LDB3: variants seen among roughly 807,000 people sequenced by gnomAD.
LDB3 encodes LIM domain-binding protein 3.
In LDB3, 49 loss-of-function variants were observed where a neutral mutation model predicts 69.0. The observed-to-expected ratio is 0.71, with a 90% confidence interval of 0.56 to 0.90. The LOEUF (loss-of-function observed/expected upper bound fraction) is 0.90. LDB3 is among the 40% of genes least tolerant of loss of function. The pLI is 0.00. For missense variants in LDB3, 928 were observed against 974.1 expected (o/e 0.95, Z 0.63); for synonymous variants, 387 against 396.2 (o/e 0.98, Z 0.28).
rs45516997 is a variant in LDB3, at chr10:86,681,579, C to A, written c.465C>A (p.Leu155=). The change falls in exon 5 of 14, where the codon CTC becomes CTA. Residue 155 remains leucine (L), a synonymous_variant. Coordinates refer to ENST00000361373, the MANE Select transcript of LDB3 (RefSeq NM_007078.3). ...AFSRPSAFSS[L]AEASDPGPPR... is the part of the protein sequence containing the mutation. ...CCCGGCCCTCCGCCTTCTCCTCACT[C>A]GCCGAGGCCTCTGACCCTGGCCCTC... The A allele has an allele frequency of 2.0e-5, 33 of 1,612,908 alleles. No individual in the cohort carries two copies. Among genetic ancestry groups the A allele is most frequent in the Non-Finnish European group, 2.5e-5 (30 of 1,179,796 alleles).
At chr10:86,687,183 G>C (rs1473671771) in intron 5 of LDB3, 9 of 1,614,222 alleles carry the variant, frequency 5.6e-6, no homozygotes, top group Non-Finnish European at 7.6e-6. Context: ...TCCATGCGCA[G>C]TACAACACGC....
At chr10:86,700,607 G>T (rs1208143941) in intron 7 of LDB3, among the ~76,000 whole-genome samples, 1 of 152,178 alleles carries the variant, frequency 6.6e-6, no homozygotes, top group Non-Finnish European at 1.5e-5. Context: ...CAAGAGGGCT[G>T]GGAAGGCTTC....
In LDB3 at chr10:86,718,738, T is replaced by C. The variant is rs1846966684; in HGVS notation, c.1869T>C (p.His623=). The C allele has an allele frequency of 1.9e-6, 3 of 1,614,082 alleles. No individual in the cohort carries two copies. The highest frequency in any genetic ancestry group is 2.5e-6 in the Non-Finnish European group (3 of 1,180,028). ...GCTCTTTCCCCCAGGAAGTAATGCA[T>C]GCCTTGAGACAGACATGGCACACCA... ...CNTKIMGEVM[H]ALRQTWHTTC... The change falls in exon 12 of 14, where the codon CAT becomes CAC. Residue 623 remains histidine (H), a synonymous_variant. Coordinates refer to ENST00000361373, the MANE Select transcript of LDB3 (RefSeq NM_007078.3).
chr10:86,733,415 G>A lies in LDB3; in HGVS notation c.*439G>A. On this transcript the variant is annotated 3_prime_UTR_variant, in exon 14 of 14. Coordinates refer to ENST00000361373, the MANE Select transcript of LDB3 (RefSeq NM_007078.3). ...AGTGCCAAACAGCACTCGCTGCAGG[G>A]TATTTTTAGAGTCATAGCTGAGAGC... 4.4e-6 allele frequency: 1 copy of A among 228,928 alleles called. No individual in the cohort carries two copies. Among genetic ancestry groups the A allele is most frequent in the Non-Finnish European group, 8.7e-6 (1 of 115,258 alleles). The allele number at this position is 228,928 out of a possible 1,614,324, so 14.2% of individuals were successfully genotyped here.
chr10:86,715,634 G>A (rs1846840790), intron 9 of LDB3, among the ~76,000 whole-genome samples: 1 of 152,124 alleles, frequency 6.6e-6, no homozygotes, highest in South Asian at 2.1e-4. Context: ...GGTCCCCCAA[G>A]GCAGCCACGG....
Position 86,681,700 on chromosome 10 carries a change from A to G in LDB3, c.586A>G (p.Asn196Asp). 1 of 1,613,620 alleles carries G rather than the reference A, an allele frequency of 6.2e-7. No homozygotes were observed. The stretch of plus-strand genomic sequence containing the variant: ...GGGCTCGAGCCAGCCGAGGCAATAT[A>G]ACAACCCCATTGGCCTGTACTCGGC... ...LPGSSQPRQY[N>D]NPIGLYSAET... is the part of the protein sequence containing the mutation. The change falls in exon 5 of 14, where the codon AAC becomes GAC. Residue 196 changes from asparagine to aspartate, a missense_variant. Transcript: ENST00000361373.
chr10:86,718,400 C>A (rs1846954247), intron 11 of LDB3, among the ~76,000 whole-genome samples: 1 of 152,216 alleles, frequency 6.6e-6, no homozygotes, highest in South Asian at 2.1e-4. Flanking sequence ...GCTTCACAGC[C>A]TGACCTTACC....
chr10:86,692,536 G>A lies in LDB3; in HGVS notation c.861G>A (p.Met287Ile). The change falls in exon 7 of 14, where the codon ATG becomes ATA. Residue 287 changes from methionine (M) to isoleucine (I), a missense_variant and splice_region_variant. Physicochemically the swap from Met to Ile is conservative, Grantham distance 10. Transcript: ENST00000361373. ...TGACCAGCTCCTTTCTACCAACAGT[G>A]CAAGACCCTGATGAAGAAGCTCTGC... ...ILAQMTGTEF[M>I]QDPDEEALRR... 1 of 1,614,216 alleles carries A rather than the reference G, an allele frequency of 6.2e-7. No homozygotes were observed. Among genetic ancestry groups the A allele is most frequent in the Non-Finnish European group, 8.5e-7 (1 of 1,180,010 alleles).
rs138210166 is a variant in LDB3, at chr10:86,735,921, G to A, written c.*2945G>A. On this transcript the variant is annotated 3_prime_UTR_variant, in exon 14 of 14. Transcript: ENST00000361373. The stretch of plus-strand genomic sequence containing the variant: ...TTTTTAACTCAGTATTCTGGCTTTG[G>A]GATTTTTTGTTTTGTTTTTGGAAAC... The A allele has an allele frequency of 6.6e-6, 1 of 151,782 alleles. No individual in the cohort carries two copies. The highest frequency in any genetic ancestry group is 1.9e-4 in the East Asian group (1 of 5,170). 9.4% of individuals were successfully genotyped at this position (151,782 alleles called of 1,614,324 possible).
intron 12 of LDB3, among the ~76,000 whole-genome samples, chr10:86,722,454 G>T (rs1847111057): frequency 6.6e-6 from 1 of 150,926 alleles, no homozygotes; most frequent in South Asian, 2.1e-4. Context: ...TAGAGACAGG[G>T]TTTCACCATG....
chr10:86,687,321 G>T (rs1564639704), intron 5 of LDB3: 1 of 1,559,932 alleles, frequency 6.4e-7, no homozygotes, highest in Non-Finnish European at 8.8e-7. Context: ...AGAGCCCGAG[G>T]GGTATGGGCC....
At position 86,679,488 on chromosome 10, in the gene LDB3, C is replaced by T; in HGVS notation, c.215C>T (p.Ala72Val). The T allele has an allele frequency of 6.2e-7, 1 of 1,614,048 alleles. No homozygotes were observed. ...GAAGCCCAGAACAAGATCAAGTCTG[C>T]CAGCTACAACTTGAGCCTCACCCTG... ...HLEAQNKIKS[A>V]SYNLSLTLQK... is the part of the protein sequence containing the mutation. The change falls in exon 3 of 14, where the codon GCC (alanine) becomes GTC (valine). Residue 72 changes from alanine to valine, a missense_variant. Ala to Val is a moderately conservative substitution (Grantham distance 64). Coordinates refer to ENST00000361373, the MANE Select transcript of LDB3 (RefSeq NM_007078.3).
At chr10:86,668,341 C>A (rs187406959), upstream of LDB3, 40 of 382,198 alleles carry the variant, frequency 1.0e-4, no homozygotes, top group African/African-American at 2.5e-4. Context: ...CTTCCTCCCC[C>A]CTGGGGGGTG....
chr10:86,695,002 T>C (rs914794276), intron 7 of LDB3, among the ~76,000 whole-genome samples: 2 of 152,356 alleles, frequency 1.3e-5, no homozygotes, highest in Non-Finnish European at 2.9e-5. Context: ...AGGGTCTCTC[T>C]TGAAGGCTGA....
intron 1 of LDB3, 28 bp downstream of exon 1, chr10:86,668,598 A>G: frequency 1.0e-6 from 1 of 979,674 alleles, no homozygotes. Flanking sequence ...GGGCAGGGGC[A>G]GAGGTGTGGA....
chr10:86,678,076 C>T (rs145307559), intron 2 of LDB3, among the ~76,000 whole-genome samples: 13 of 152,336 alleles, frequency 8.5e-5, no homozygotes, highest in African/African-American at 3.1e-4. Flanking sequence ...CTCGCTCTCA[C>T]CCAGGCTGGA....
intron 2 of LDB3, among the ~76,000 whole-genome samples, chr10:86,675,299 ATG>A: frequency 6.6e-6 from 1 of 152,328 alleles, no homozygotes; most frequent in South Asian, 2.1e-4. Context: ...TGGGAGAAAG[ATG>A]TCTCTGAGGC....
chr10:86,679,842 G>A (rs866547330), intron 3 of LDB3, among the ~76,000 whole-genome samples: 19 of 152,178 alleles, frequency 1.2e-4, no homozygotes, highest in Non-Finnish European at 2.1e-4. Flanking sequence ...CGTAGCAGGG[G>A]CCCATGGATT....
At chr10:86,680,670 G>A (rs921527936) in intron 4 of LDB3, among the ~76,000 whole-genome samples, 4 of 150,866 alleles carry the variant, frequency 2.7e-5, no homozygotes, top group South Asian at 4.2e-4. Context: ...CCCTTAGGAC[G>A]TGCTGGCAAT....
Sources: allele counts gnomAD v4.1 joint callset (sites outside exome capture counted in the v4.1 genomes callset), GRCh38; gene constraint gnomAD v4.1.1; transcripts MANE v1.5; gene names NCBI Gene and HGNC (gene_info 2026-07-23, HGNC 2026-07-21).